Variants in UACA observed in about 807,000 individuals in gnomAD.
UACA encodes the protein nuclear membrane binding protein.
In UACA, 112 loss-of-function variants were observed where a neutral mutation model predicts 160.5. The observed-to-expected ratio is 0.70, with a 90% CI of 0.60 to 0.82. The LOEUF (loss-of-function observed/expected upper bound fraction) is 0.82, where lower values mean the gene tolerates loss of function less well. Among genes scored for constraint, UACA ranks in the 40% least tolerant of loss-of-function variants. The pLI is 0.00. For synonymous variants in UACA, 557 were observed against 568.4 expected, an observed-to-expected ratio of 0.98 and a Z score of 0.29; for missense variants, 1,574 against 1,614.6, an observed-to-expected ratio of 0.97 and a Z score of 0.43.
Position 70,667,413 on chromosome 15 carries a change from C to T in UACA, c.3271G>A (p.Glu1091Lys). The change falls in exon 16 of 19, where the codon GAA (glutamate) becomes AAA (lysine). Residue 1091 changes from glutamate (E) to lysine (K), a missense_variant. Transcript: ENST00000322954. ...TCAGAAGTCTGTTTGGCATTTTCTT[C>T]TACTAGCTTCTCTTTCACATTCTTT... The part of the protein sequence containing the change: ...EVKNVKEKLV[E>K]ENAKQTSEIL... 1 of 1,610,906 alleles carries T rather than the reference C, an allele frequency of 6.2e-7. No homozygotes were observed. Among genetic ancestry groups the T allele is most frequent in the Non-Finnish European group, 8.5e-7 (1 of 1,179,800 alleles).
chr15:70,688,868 T>C lies in UACA; in HGVS notation c.425-1048A>G, dbSNP rs1365617290. 1.1e-4 allele frequency among the ~76,000 whole-genome samples: 17 copies of C among 152,278 alleles called. No homozygotes were observed. The East Asian group carries it at 2.9e-3, about 26-fold the overall frequency. Reference sequence around the variant, plus strand: ...GTGGGAAGTAGGGGCTTTGGAGATATTTGGAAGGCCAGAGAGTTGAACTGT... The same window carrying C: ...GTGGGAAGTAGGGGCTTTGGAGATACTTGGAAGGCCAGAGAGTTGAACTGT... On this transcript the variant is annotated intron_variant, in intron 5 of 18. Coordinates refer to ENST00000322954, the MANE Select transcript of UACA (RefSeq NM_018003.4).
intron 3 of UACA, 95 bp from the exon 4 acceptor site, chr15:70,691,458 T>C (rs902805891): frequency 1.2e-6 from 1 of 853,706 alleles, no homozygotes; most frequent in Non-Finnish European, 1.9e-6. Flanking sequence ...CCAAAACTAG[T>C]TGACAACATA....
intron 1 of UACA, among the ~76,000 whole-genome samples, chr15:70,750,686 C>T (rs2029992405): frequency 6.6e-6 from 1 of 152,158 alleles, no homozygotes; most frequent in Admixed American, 6.6e-5. Context: ...CTGGGCAACA[C>T]AGTGAGACCC....
rs556658984 is a variant in UACA at position 70,763,460 on chromosome 15, C to T, written c.-53G>A. On this transcript the variant is annotated 5_prime_UTR_variant, in exon 1 of 19. Transcript: ENST00000322954. Reference sequence around the variant, plus strand: ...AACCTTAAAGGCTGCGGAGTGCCAGCGCGCAAGGAGTAGACGGCAGCGGCT... The same window carrying T: ...AACCTTAAAGGCTGCGGAGTGCCAGTGCGCAAGGAGTAGACGGCAGCGGCT... 41 of 1,276,342 alleles carry T rather than the reference C, an allele frequency of 3.2e-5. No individual in the cohort carries two copies. In the East Asian group the frequency reaches 1.0e-3, roughly 31 times the overall value. The allele number at this position is 1,276,342 out of a possible 1,614,324, so 79.1% of individuals were successfully genotyped here.
At position 70,667,743 on chromosome 15, in the gene UACA, T is replaced by G; in HGVS notation, c.2941A>C (p.Ile981Leu). 6.2e-7 allele frequency: 1 copy of G among 1,614,098 alleles called. No homozygotes were observed. The highest frequency in any genetic ancestry group is 8.5e-7 in the Non-Finnish European group (1 of 1,179,992). ...KKELDTIQEC[I>L]KVKYAPIVSF... is the part of the protein sequence containing the mutation. The stretch of plus-strand genomic sequence containing the variant: ...ACAATTGGGGCGTATTTTACCTTAA[T>G]GCATTCTTGTATTGTGTCGAGCTCC... The change falls in exon 16 of 19, where the codon ATT becomes CTT. Residue 981 changes from isoleucine to leucine, a missense_variant. Ile to Leu is a conservative substitution (Grantham distance 5). Transcript: ENST00000322954.
Position 70,663,677 on chromosome 15 carries a change from T to C in UACA, c.4113+985A>G, listed in dbSNP as rs368760416. Among the ~76,000 whole-genome samples the C allele has an allele frequency of 9.9e-4, 150 of 152,216 alleles. No individual in the cohort carries two copies. In the East Asian group the frequency reaches 0.013, roughly 13 times the overall value. ...AATGTGGCACATATACACCATGGAATACTATGCAGTGATAAAAAAGGATGA... is the reference window on the plus strand; with the variant it reads ...AATGTGGCACATATACACCATGGAACACTATGCAGTGATAAAAAAGGATGA... On this transcript the variant is annotated intron_variant, in intron 17 of 18. Transcript: ENST00000322954.
At position 70,654,917 on chromosome 15, in the gene UACA, T is replaced by A. The variant is rs930718120; in HGVS notation, c.*2139A>T. 1.3e-5 allele frequency: 2 copies of A among 152,212 alleles called. No homozygotes were observed. The highest frequency in any genetic ancestry group is 4.8e-5 in the African/African-American group (2 of 41,450). 9.4% of individuals were successfully genotyped at this position (152,212 alleles called of 1,614,324 possible). Reference sequence around the variant, plus strand: ...GTAAACGCAATTTCTGCCTTCGATATCAAAAGGTGAGTGAATGAGACAAGA... The same window carrying A: ...GTAAACGCAATTTCTGCCTTCGATAACAAAAGGTGAGTGAATGAGACAAGA... On this transcript the variant is annotated 3_prime_UTR_variant, in exon 19 of 19. Coordinates refer to ENST00000322954, the MANE Select transcript of UACA (RefSeq NM_018003.4).
chr15:70,757,393 C>A (rs1363098019), intron 1 of UACA, among the ~76,000 whole-genome samples: 1 of 152,190 alleles, frequency 6.6e-6, no homozygotes, highest in African/African-American at 2.4e-5. Context: ...CTCTGACAAT[C>A]ATGTCTATAG....
chr15:70,751,135 C>A (rs1316855365), intron 1 of UACA, among the ~76,000 whole-genome samples: 1 of 152,152 alleles, frequency 6.6e-6, no homozygotes, highest in African/African-American at 2.4e-5. Flanking sequence ...TAGATCAGTA[C>A]CTTGTACAGT....
intron 1 of UACA, among the ~76,000 whole-genome samples, chr15:70,725,590 A>T (rs1418090625): frequency 6.6e-6 from 1 of 152,160 alleles, no homozygotes; most frequent in Non-Finnish European, 1.5e-5. Context: ...TGTCCTTCTA[A>T]CCTTAAGGAG....
At chr15:70,686,930 G>A (rs556232615) in intron 7 of UACA, among the ~76,000 whole-genome samples, 5 of 152,258 alleles carry the variant, frequency 3.3e-5, no homozygotes, top group African/African-American at 1.2e-4. Context: ...CAGAGATAGG[G>A]AGAATTCTGG....
chr15:70,669,537 A>G, intron 15 of UACA, 75 bp from the exon 16 acceptor site: 2 of 1,186,492 alleles, frequency 1.7e-6, no homozygotes, highest in East Asian at 5.2e-5. Flanking sequence ...TGCCAAACTT[A>G]GAGAAAGTTA....
At chr15:70,768,936 C>G in the UACA span, among the ~76,000 whole-genome samples, 2 of 152,006 alleles carry the variant, frequency 1.3e-5, no homozygotes, top group Admixed American at 1.3e-4. Flanking sequence ...GCAAGGTGTT[C>G]GATACTCTTA....
the UACA span, among the ~76,000 whole-genome samples, chr15:70,771,895 C>T: frequency 6.6e-6 from 1 of 152,046 alleles, no homozygotes; most frequent in Non-Finnish European, 1.5e-5. Flanking sequence ...GTGGCTGGAG[C>T]ATAGTGGGAG....
At chr15:70,721,986 T>G (rs975812376) in intron 1 of UACA, among the ~76,000 whole-genome samples, 2 of 152,226 alleles carry the variant, frequency 1.3e-5, no homozygotes, top group Non-Finnish European at 2.9e-5. Context: ...CTGAATCCTA[T>G]TTAAAAACAT....
chr15:70,765,217 C>T (rs1484930668), upstream of UACA, among the ~76,000 whole-genome samples: 1 of 152,144 alleles, frequency 6.6e-6, no homozygotes, highest in Non-Finnish European at 1.5e-5. Context: ...TGTCTGTCTA[C>T]ATTCATCTCA....
intron 13 of UACA, among the ~76,000 whole-genome samples, chr15:70,674,222 C>T (rs557433610): frequency 6.6e-6 from 1 of 152,188 alleles, no homozygotes; most frequent in South Asian, 2.1e-4. Flanking sequence ...AAAGTGGGAC[C>T]TGTAATTTTC....
chr15:70,686,878 A>C (rs1344152523), intron 7 of UACA, among the ~76,000 whole-genome samples: 2 of 152,216 alleles, frequency 1.3e-5, no homozygotes, highest in African/African-American at 4.8e-5. Flanking sequence ...TAAACTTCAG[A>C]ATTGTAATAC....
intron 1 of UACA, among the ~76,000 whole-genome samples, chr15:70,761,502 T>G (rs1304066392): frequency 6.6e-6 from 1 of 152,242 alleles, no homozygotes. Flanking sequence ...AGGGTCTATT[T>G]CTCCTGTACA....
Sources: allele counts gnomAD v4.1 joint callset (sites outside exome capture counted in the v4.1 genomes callset), GRCh38; gene constraint gnomAD v4.1.1; transcripts MANE v1.5; gene names NCBI Gene and HGNC (gene_info 2026-07-23, HGNC 2026-07-21).